Variants in ZRANB3 observed in about 807,000 individuals in gnomAD.
ZRANB3 encodes zinc finger RANBP2-type containing 3, also known as DNA annealing helicase and endonuclease ZRANB3.
A neutral mutation model predicts 133.8 loss-of-function variants in ZRANB3; 125 were observed. The observed-to-expected ratio is 0.93, with a 90% CI of 0.81 to 1.08. ZRANB3 has a LOEUF of 1.08. Ranked by LOEUF, ZRANB3 falls within the 50% of genes least tolerant of loss-of-function variation. The pLI is 0.00. For synonymous variants in ZRANB3, 387 were observed against 432.7 expected, an observed-to-expected ratio of 0.89 and a Z score of 1.31; for missense variants, 1,229 against 1,275.5, an observed-to-expected ratio of 0.96 and a Z score of 0.56.
rs544233017 is a variant in ZRANB3, at chr2:135,350,084, G to T, written c.491C>A (p.Ser164Tyr). 107 of 1,613,762 alleles carry T rather than the reference G, an allele frequency of 6.6e-5. 2 individuals carry two copies. The South Asian group carries it at 1.1e-3, about 17-fold the overall frequency. ...VIVDESHYMK[S>Y]RNATRSRILL... ...AATCCTGCTGCGAGTTGCATTTCTG[G>T]ATTTCATGTAGTGTGATTCATCCAC... The change falls in exon 5 of 21, where the codon TCC becomes TAC. Residue 164 changes from serine to tyrosine, a missense_variant. Transcript: ENST00000264159.
At position 135,265,497 on chromosome 2, in the gene ZRANB3, T is replaced by TA. The variant is rs748715807; in HGVS notation, c.1539+36dup. 2.6e-4 allele frequency: 401 copies of TA among 1,544,848 alleles called. 1 individual carries two copies. The highest frequency in any genetic ancestry group is 2.4e-3 in the Middle Eastern group (14 of 5,766). ...ATACAAAGTTATAGTTTCAGGATAC[T>TA]AAAAAAAATAGAAAAGAGTAAGGCA... On this transcript the variant is annotated intron_variant, in intron 12 of 20. Transcript: ENST00000264159.
At chr2:135,457,428 A>G (rs1024629171) in intron 2 of ZRANB3, among the ~76,000 whole-genome samples, 1 of 152,168 alleles carries the variant, frequency 6.6e-6, no homozygotes, top group Non-Finnish European at 1.5e-5. Flanking sequence ...TTAGGAGTGC[A>G]TGAGGATTTC....
At chr2:135,301,403 CT>C (rs757085231) in intron 8 of ZRANB3, among the ~76,000 whole-genome samples, 3 of 152,116 alleles carry the variant, frequency 2.0e-5, no homozygotes, top group Non-Finnish European at 4.4e-5. Flanking sequence ...CCAGGTTCAT[CT>C]AGAACTCCTG....
At chr2:135,494,419 T>C (rs1692573973) in intron 2 of ZRANB3, among the ~76,000 whole-genome samples, 1 of 151,924 alleles carries the variant, frequency 6.6e-6, no homozygotes, top group African/African-American at 2.4e-5. Context: ...GGGGCTCTTC[T>C]TTACAATAAA....
At chr2:135,291,615 T>G (rs895093703) in intron 8 of ZRANB3, among the ~76,000 whole-genome samples, 2 of 151,966 alleles carry the variant, frequency 1.3e-5, no homozygotes, top group African/African-American at 4.8e-5. Context: ...ATTATTATAC[T>G]TTAAGTTTTA....
intron 10 of ZRANB3, among the ~76,000 whole-genome samples, chr2:135,269,848 C>T (rs1295821145): frequency 4.6e-5 from 7 of 152,262 alleles, no homozygotes; most frequent in East Asian, 1.9e-4. Context: ...ATGTGAACCA[C>T]GCTTATGCTA....
At chr2:135,262,169 A>AC (rs1679999004) in intron 12 of ZRANB3, among the ~76,000 whole-genome samples, 1 of 151,078 alleles carries the variant, frequency 6.6e-6, no homozygotes, top group East Asian at 1.9e-4. Flanking sequence ...CAAAAAAAAA[A>AC]AAAAAAAAAA....
chr2:135,281,930 G>T (rs1045078134), intron 8 of ZRANB3, among the ~76,000 whole-genome samples: 5 of 152,066 alleles, frequency 3.3e-5, no homozygotes, highest in African/African-American at 1.2e-4. Flanking sequence ...TGACTCTTTT[G>T]GACGTTCCAT....
intron 6 of ZRANB3, among the ~76,000 whole-genome samples, chr2:135,324,450 A>T (rs1333884215): frequency 6.6e-6 from 1 of 152,162 alleles, no homozygotes; most frequent in Non-Finnish European, 1.5e-5. Flanking sequence ...CATGGTGTAC[A>T]TGTGCCACAT....
At chr2:135,353,339 C>T in intron 4 of ZRANB3, 111 bp downstream of exon 4, 1 of 633,926 alleles carries the variant, frequency 1.6e-6, no homozygotes. Flanking sequence ...ATACTACTTA[C>T]TCCACTTCTA....
At chr2:135,312,120 T>A (rs1202034897) in intron 8 of ZRANB3, among the ~76,000 whole-genome samples, 1 of 103,000 alleles carries the variant, frequency 9.7e-6, no homozygotes, top group Non-Finnish European at 1.7e-5. Flanking sequence ...TATTTATTTT[T>A]TTATTTTATT....
intron 6 of ZRANB3, among the ~76,000 whole-genome samples, chr2:135,324,014 C>T (rs1282298763): frequency 6.6e-6 from 1 of 152,086 alleles, no homozygotes; most frequent in African/African-American, 2.4e-5. Flanking sequence ...GGTGATCCGC[C>T]CACCTCGGCC....
At chr2:135,267,241 T>C (rs1031763982) in intron 11 of ZRANB3, among the ~76,000 whole-genome samples, 2 of 152,166 alleles carry the variant, frequency 1.3e-5, no homozygotes, top group Admixed American at 6.6e-5. Flanking sequence ...GGGCCACATC[T>C]GGTGAGGGCT....
intron 8 of ZRANB3, among the ~76,000 whole-genome samples, chr2:135,312,912 T>A (rs1361309950): frequency 6.6e-6 from 1 of 150,770 alleles, no homozygotes; most frequent in Admixed American, 6.6e-5. Context: ...CCCAGCTACT[T>A]GGGAGGCTGA....
rs544114059 is a variant in ZRANB3, at chr2:135,405,894, C to T, written c.162-15074G>A. On this transcript the variant is annotated intron_variant, in intron 2 of 20. Transcript: ENST00000264159. ...GAAAGATCTAAAATTGACACCCTAA[C>T]ATCACAATTAAAAGAAGTAGAGAAG... is the stretch of plus-strand genomic sequence containing the variant. 7.2e-5 allele frequency among the ~76,000 whole-genome samples: 11 copies of T among 152,276 alleles called. No individual in the cohort carries two copies. In the South Asian group the frequency reaches 2.3e-3, roughly 32 times the overall value.
intron 2 of ZRANB3, among the ~76,000 whole-genome samples, chr2:135,421,984 C>G (rs1688874309): frequency 1.3e-5 from 2 of 151,162 alleles, no homozygotes. Flanking sequence ...CATGAGAACC[C>G]TATTTATTTC....
intron 6 of ZRANB3, among the ~76,000 whole-genome samples, chr2:135,340,103 T>C (rs1173187486): frequency 6.7e-6 from 1 of 150,128 alleles, no homozygotes; most frequent in Admixed American, 6.6e-5. Context: ...CTGTCCCTTT[T>C]CTTTTTTTTT....
chr2:135,523,632 C>G (rs952338636), intron 1 of ZRANB3, among the ~76,000 whole-genome samples: 1 of 152,176 alleles, frequency 6.6e-6, no homozygotes, highest in African/African-American at 2.4e-5. Context: ...ACAAAAGCCT[C>G]TAAGGTAGGT....
At chr2:135,212,182 C>T (rs1694117946) in intron 17 of ZRANB3, among the ~76,000 whole-genome samples, 1 of 152,194 alleles carries the variant, frequency 6.6e-6, no homozygotes, top group Non-Finnish European at 1.5e-5. Flanking sequence ...AGCCATCGTG[C>T]TCCAGTCTGG....
Sources: gnomAD v4.1 joint callset for allele counts (sites outside exome capture counted in the v4.1 genomes callset) on GRCh38, gnomAD v4.1.1 for gene constraint, MANE v1.5 for transcripts, NCBI Gene and HGNC (gene_info 2026-07-23, HGNC 2026-07-21) for gene names.